Variants in GRM7 observed in about 807,000 individuals in gnomAD.
GRM7 encodes metabotropic glutamate receptor 7.
Under a neutral mutation model 84.5 loss-of-function variants are expected in GRM7, and 35 were observed. The ratio of observed to expected loss-of-function variants is 0.41; its 90% CI spans 0.32 to 0.55. The LOEUF is 0.55. GRM7 is among the 20% of genes least tolerant of loss of function. The pLI, the probability that GRM7 is intolerant of heterozygous loss-of-function variation, is 0.19. For missense variants in GRM7, 1,003 were observed against 1,194.6 expected (o/e 0.84, Z 2.36); for synonymous variants, 487 against 455.1 (o/e 1.07, Z -0.89).
intron 7 of GRM7, among the ~76,000 whole-genome samples, chr3:7,552,625 A>T (rs1022957772): frequency 6.6e-6 from 1 of 152,148 alleles, no homozygotes; most frequent in African/African-American, 2.4e-5. Flanking sequence ...CAGGCCCAAC[A>T]TCATGTGGAA....
intron 8 of GRM7, among the ~76,000 whole-genome samples, chr3:7,588,276 C>G (rs553325569): frequency 6.6e-6 from 1 of 152,294 alleles, no homozygotes; most frequent in African/African-American, 2.4e-5. Context: ...CCTCAAATGA[C>G]TGGCACTTGG....
intron 1 of GRM7, among the ~76,000 whole-genome samples, chr3:6,944,529 T>A (rs1268869828): frequency 6.6e-6 from 1 of 152,196 alleles, no homozygotes; most frequent in African/African-American, 2.4e-5. Context: ...ATGAACCTAC[T>A]TGGTCATGAC....
chr3:7,077,711 TAAAGTA>T (rs1456349628), intron 1 of GRM7, among the ~76,000 whole-genome samples: 1 of 151,978 alleles, frequency 6.6e-6, no homozygotes, highest in East Asian at 1.9e-4. Flanking sequence ...CCCCAGAACT[TAAAGTA>T]TAATAATAAA....
At chr3:7,086,575 G>A (rs1355984261) in intron 1 of GRM7, among the ~76,000 whole-genome samples, 1 of 152,128 alleles carries the variant, frequency 6.6e-6, no homozygotes, top group African/African-American at 2.4e-5. Flanking sequence ...ACACCCTGGT[G>A]ACTTCTGTGC....
chr3:7,068,669 G>A (rs945034569), intron 1 of GRM7, among the ~76,000 whole-genome samples: 5 of 151,946 alleles, frequency 3.3e-5, no homozygotes, highest in African/African-American at 7.2e-5. Context: ...GGGTTTTCAT[G>A]TTCTGTTCTC....
At chr3:6,970,768 A>C (rs1435070571) in intron 1 of GRM7, among the ~76,000 whole-genome samples, 1 of 152,182 alleles carries the variant, frequency 6.6e-6, no homozygotes, top group African/African-American at 2.4e-5. Context: ...TCACGAGGTC[A>C]GGAGATCGAG....
chr3:7,321,014 T>G (rs1700758739), intron 4 of GRM7, among the ~76,000 whole-genome samples: 1 of 152,024 alleles, frequency 6.6e-6, no homozygotes, highest in Non-Finnish European at 1.5e-5. Context: ...TGTACCATTT[T>G]GACAAAGTAT....
intron 7 of GRM7, among the ~76,000 whole-genome samples, chr3:7,546,677 A>G (rs1218799896): frequency 1.3e-5 from 2 of 152,126 alleles, no homozygotes; most frequent in South Asian, 2.1e-4. Context: ...TTTCCACTGA[A>G]TGGATACAGA....
intron 1 of GRM7, among the ~76,000 whole-genome samples, chr3:6,918,404 A>G (rs1297503599): frequency 1.3e-5 from 2 of 152,150 alleles, no homozygotes; most frequent in African/African-American, 4.8e-5. Flanking sequence ...TTTAGGTTGG[A>G]CGTATTCTGT....
In GRM7 at chr3:6,919,436, G is replaced by A. The variant is rs889579953; in HGVS notation, c.519+57529G>A. Among the ~76,000 whole-genome samples the A allele has an allele frequency of 7.0e-4, 103 of 147,256 alleles. 1 individual carries two copies. Among genetic ancestry groups the A allele is most frequent in the African/African-American group, 2.6e-3 (102 of 39,418 alleles). ...TTGGCCAGGCTGGTCTCAAACTCCT[G>A]ACCTCAGGTGATCCACCCACCTTGG... On this transcript the variant is annotated intron_variant, in intron 1 of 9. Coordinates refer to ENST00000357716, the MANE Select transcript of GRM7 (RefSeq NM_000844.4).
chr3:7,116,277 T>C (rs1693029220), intron 1 of GRM7, among the ~76,000 whole-genome samples: 1 of 152,174 alleles, frequency 6.6e-6, no homozygotes, highest in South Asian at 2.1e-4. Context: ...TACCATAAGT[T>C]GAAAATCGTG....
At position 7,620,846 on chromosome 3, in the gene GRM7, T is replaced by G. The variant is rs935244991; in HGVS notation, c.2451+41489T>G. Among the ~76,000 whole-genome samples, 6 of 152,076 alleles carry G rather than the reference T, an allele frequency of 3.9e-5. No individual in the cohort carries two copies. The South Asian group carries it at 8.6e-4, about 22-fold the overall frequency. On this transcript the variant is annotated intron_variant, in intron 8 of 9. Transcript: ENST00000357716. The stretch of plus-strand genomic sequence containing the variant: ...GCAGCCTTGTCCAGAATTTCAATAG[T>G]GTACCTCTTTTTTCCAGTGATGGAG...
intron 1 of GRM7, among the ~76,000 whole-genome samples, chr3:7,047,966 T>A (rs992073228): frequency 5.9e-5 from 9 of 152,008 alleles, no homozygotes; most frequent in Non-Finnish European, 1.2e-4. Flanking sequence ...TTTCGTAATG[T>A]TAGGTATTGA....
intron 1 of GRM7, among the ~76,000 whole-genome samples, chr3:6,922,732 T>A (rs1023940347): frequency 2.0e-5 from 3 of 152,220 alleles, no homozygotes; most frequent in Non-Finnish European, 4.4e-5. Context: ...TAACACATTA[T>A]AATTCATCTG....
chr3:7,178,587 G>A (rs1330799533), intron 2 of GRM7, among the ~76,000 whole-genome samples: 1 of 152,096 alleles, frequency 6.6e-6, no homozygotes, highest in Non-Finnish European at 1.5e-5. Flanking sequence ...AGATTCAAGA[G>A]TCGACCCATA....
intron 1 of GRM7, among the ~76,000 whole-genome samples, chr3:6,885,554 A>C (rs770500585): frequency 6.6e-6 from 1 of 152,172 alleles, no homozygotes; most frequent in African/African-American, 2.4e-5. Flanking sequence ...TCAGGTATCC[A>C]AGCCCGACCC....
intron 8 of GRM7, among the ~76,000 whole-genome samples, chr3:7,587,775 C>T (rs890222416): frequency 1.3e-5 from 2 of 152,098 alleles, no homozygotes; most frequent in Non-Finnish European, 2.9e-5. Context: ...TCCTAATGCT[C>T]ATATTTTTAG....
At chr3:7,605,664 T>C (rs570423009) in intron 8 of GRM7, among the ~76,000 whole-genome samples, 5 of 152,054 alleles carry the variant, frequency 3.3e-5, no homozygotes, top group Non-Finnish European at 5.9e-5. Context: ...TTGATGTGCA[T>C]CCCCAGTTGA....
At chr3:7,128,899 C>A (rs9853283) in intron 1 of GRM7, among the ~76,000 whole-genome samples, 10,208 of 151,996 alleles carry the variant, frequency 0.067, 930 homozygotes, top group African/African-American at 0.2. Context: ...GCACAGGAAC[C>A]TCAATAAACT....
Sources: gnomAD v4.1 joint callset for allele counts (sites outside exome capture counted in the v4.1 genomes callset) on GRCh38, gnomAD v4.1.1 for gene constraint, MANE v1.5 for transcripts, NCBI Gene and HGNC (gene_info 2026-07-23, HGNC 2026-07-21) for gene names.